The following FAM13C variants were observed in gnomAD, a reference collection of about 807,000 sequenced individuals.
FAM13C encodes protein FAM13C.
FAM13C carries 37 observed loss-of-function variants against 73.2 expected under a neutral mutation model. The ratio of observed to expected loss-of-function variants is 0.51; its 90% CI spans 0.39 to 0.67. FAM13C has a LOEUF of 0.67. FAM13C is among the 30% of genes least tolerant of loss of function. FAM13C has a pLI of 0.00. For synonymous variants in FAM13C, 246 were observed against 260.9 expected (o/e 0.94, Z 0.55); for missense variants, 589 against 715.6 (o/e 0.82, Z 2.02).
intron 3 of FAM13C, among the ~76,000 whole-genome samples, chr10:59,350,402 T>G (rs1474481772): frequency 6.6e-6 from 1 of 152,136 alleles, no homozygotes. Flanking sequence ...ACCCTGAAAC[T>G]TACTATGTCA....
intron 6 of FAM13C, among the ~76,000 whole-genome samples, chr10:59,280,370 C>T (rs374241617): frequency 8.5e-5 from 13 of 152,188 alleles, no homozygotes; most frequent in South Asian, 4.1e-4. Flanking sequence ...CCCACTCACT[C>T]CCAACCCTTG....
chr10:59,250,356 A>G (rs1408075817), intron 13 of FAM13C, among the ~76,000 whole-genome samples: 1 of 152,250 alleles, frequency 6.6e-6, no homozygotes, highest in Non-Finnish European at 1.5e-5. Flanking sequence ...TTCTAAATTT[A>G]TGAGCCACAT....
At chr10:59,268,791 TC>T in intron 7 of FAM13C, 100 bp from the exon 8 acceptor site, 1 of 1,414,188 alleles carries the variant, frequency 7.1e-7, no homozygotes, top group Non-Finnish European at 9.4e-7. Flanking sequence ...GTCAGAGAAG[TC>T]CAGAGGGAAG....
intron 5 of FAM13C, among the ~76,000 whole-genome samples, chr10:59,287,005 G>A (rs1845651092): frequency 7.4e-6 from 1 of 134,584 alleles, no homozygotes; most frequent in Non-Finnish European, 1.5e-5. Context: ...TTGCACTCCA[G>A]CCTGGGCAAT....
chr10:59,314,078 A>G (rs749928363), intron 4 of FAM13C, among the ~76,000 whole-genome samples: 18 of 152,146 alleles, frequency 1.2e-4, no homozygotes, highest in Non-Finnish European at 8.8e-5. Flanking sequence ...AGAGATCAAC[A>G]TGGGCTATTG....
intron 4 of FAM13C, among the ~76,000 whole-genome samples, chr10:59,321,229 A>C (rs1850204481): frequency 6.6e-6 from 1 of 152,098 alleles, no homozygotes; most frequent in African/African-American, 2.4e-5. Flanking sequence ...GAATCCTTAA[A>C]ATCAAAAAAT....
intron 5 of FAM13C, among the ~76,000 whole-genome samples, chr10:59,302,334 C>T (rs768757745): frequency 4.8e-4 from 73 of 152,124 alleles, no homozygotes; most frequent in Non-Finnish European, 8.4e-4. Context: ...TTGGAAAATA[C>T]GGCTTCACGT....
In FAM13C at chr10:59,283,414, G is replaced by C. The variant is rs765616939; in HGVS notation, c.541C>G (p.Pro181Ala). Residue 181 changes from proline (P) to alanine (A), a missense_variant, in exon 6 of 14, where the codon CCG becomes GCG. Physicochemically the swap from Pro to Ala is conservative, Grantham distance 27 (BLOSUM62 -1). Coordinates refer to ENST00000618804, the MANE Select transcript of FAM13C (RefSeq NM_198215.4). ...ACGCTCTGGGTTGATGCTGGCGCCG[G>C]GTCCTTGACTCCATGCACCTGAGCA... ...EAAQVHGVKD[P>A]APASTQSVLA... 8 of 1,614,034 alleles carry C rather than the reference G, an allele frequency of 5.0e-6. No individual in the cohort carries two copies. The East Asian group carries it at 6.7e-5, about 13-fold the overall frequency.
chr10:59,347,383 A>G (rs1391127631), intron 3 of FAM13C, among the ~76,000 whole-genome samples: 1 of 152,160 alleles, frequency 6.6e-6, no homozygotes. Flanking sequence ...TGCTCAAACT[A>G]AAATTTGAAT....
intron 4 of FAM13C, among the ~76,000 whole-genome samples, chr10:59,314,791 G>A (rs1485274781): frequency 6.6e-6 from 1 of 152,134 alleles, no homozygotes; most frequent in Non-Finnish European, 1.5e-5. Flanking sequence ...ACCCCTGAGA[G>A]GCTTGGCATG....
intron 4 of FAM13C, among the ~76,000 whole-genome samples, chr10:59,314,620 G>C (rs1451238208): frequency 1.3e-5 from 2 of 152,070 alleles, no homozygotes; most frequent in African/African-American, 4.8e-5. Context: ...TAAACTTAAG[G>C]CACTAAGAAG....
At chr10:59,350,210 C>T (rs1000654349) in intron 3 of FAM13C, among the ~76,000 whole-genome samples, 1 of 152,136 alleles carries the variant, frequency 6.6e-6, no homozygotes, top group Non-Finnish European at 1.5e-5. Context: ...GATTCCAATG[C>T]TGTATTATGA....
rs750091230 is a variant in FAM13C, at chr10:59,362,515, A to G, written c.-55T>C. The G allele has an allele frequency of 2.9e-5, 47 of 1,595,542 alleles. No homozygotes were observed. The highest frequency in any genetic ancestry group is 1.3e-5 in the African/African-American group (1 of 74,796). ...CTGATTGCTCTCCGGGAGTTAGAGCACATACACAAACATGGCATTGCAAGG... is the reference window on the plus strand; with the variant it reads ...CTGATTGCTCTCCGGGAGTTAGAGCGCATACACAAACATGGCATTGCAAGG... On this transcript the variant is annotated 5_prime_UTR_variant, in exon 1 of 14. Transcript: ENST00000618804.
At chr10:59,299,557 A>T (rs987576727) in intron 5 of FAM13C, among the ~76,000 whole-genome samples, 3 of 151,086 alleles carry the variant, frequency 2.0e-5, no homozygotes, top group Admixed American at 6.6e-5. Context: ...TTTTCTTTAT[A>T]AATATGTTAT....
intron 4 of FAM13C, among the ~76,000 whole-genome samples, chr10:59,316,728 G>A (rs1376243339): frequency 6.6e-6 from 1 of 152,078 alleles, no homozygotes; most frequent in African/African-American, 2.4e-5. Context: ...CAAAAATATG[G>A]TATTTTAATC....
intron 2 of FAM13C, among the ~76,000 whole-genome samples, chr10:59,355,438 T>C (rs1400178620): frequency 6.6e-6 from 1 of 152,160 alleles, no homozygotes; most frequent in Admixed American, 6.5e-5. Context: ...CCTTTCAGTT[T>C]AGATTAAATA....
At chr10:59,324,676 G>A (rs1330865109) in intron 3 of FAM13C, among the ~76,000 whole-genome samples, 1 of 152,038 alleles carries the variant, frequency 6.6e-6, no homozygotes, top group Non-Finnish European at 1.5e-5. Flanking sequence ...AAAAATTTAA[G>A]TTCATCTAAA....
chr10:59,278,545 A>T (rs767979474), intron 6 of FAM13C, among the ~76,000 whole-genome samples: 2 of 152,164 alleles, frequency 1.3e-5, no homozygotes, highest in African/African-American at 2.4e-5. Context: ...GGTCCTGTTT[A>T]TTTCAGGATG....
At chr10:59,274,573 T>G (rs1430164563) in intron 6 of FAM13C, among the ~76,000 whole-genome samples, 16 of 152,132 alleles carry the variant, frequency 1.1e-4, no homozygotes. Context: ...AAAACAGGGC[T>G]GGGCTTCATG....
Sources: allele counts gnomAD v4.1 joint callset (sites outside exome capture counted in the v4.1 genomes callset), GRCh38; gene constraint gnomAD v4.1.1; transcripts MANE v1.5; gene names NCBI Gene and HGNC (gene_info 2026-07-23, HGNC 2026-07-21).